Variants in CLMN observed in about 807,000 individuals in gnomAD.
CLMN encodes the protein calmin, also known as calmin (calponin-like, transmembrane).
In CLMN, 57 loss-of-function variants were observed where a neutral mutation model predicts 92.7. The ratio of observed to expected loss-of-function variants is 0.61; its 90% CI spans 0.50 to 0.77. The LOEUF (loss-of-function observed/expected upper bound fraction) is 0.77, where lower values mean the gene tolerates loss of function less well. Among genes scored for constraint, CLMN ranks in the 30% least tolerant of loss-of-function variants. The probability of loss-of-function intolerance (pLI) is 0.00; values close to 1 mark genes in which losing one functional copy is unlikely to be tolerated. For synonymous variants in CLMN, 466 were observed against 470.6 expected, an observed-to-expected ratio of 0.99 and a Z score of 0.13; for missense variants, 1,158 against 1,237.5, an observed-to-expected ratio of 0.94 and a Z score of 0.96.
intron 1 of CLMN, among the ~76,000 whole-genome samples, chr14:95,275,628 T>C (rs1212143492): frequency 3.3e-5 from 5 of 152,348 alleles, no homozygotes; most frequent in African/African-American, 1.2e-4. Context: ...CACAGTCCTC[T>C]GGACCACACT....
intron 1 of CLMN, among the ~76,000 whole-genome samples, chr14:95,263,044 C>G (rs1899321685): frequency 6.6e-6 from 1 of 152,210 alleles, no homozygotes; most frequent in Non-Finnish European, 1.5e-5. Context: ...AAACCAACTG[C>G]CCAGCGCATA....
intron 1 of CLMN, among the ~76,000 whole-genome samples, chr14:95,290,867 GA>G (rs1900536719): frequency 6.6e-6 from 1 of 152,162 alleles, no homozygotes; most frequent in Non-Finnish European, 1.5e-5. Flanking sequence ...GGTGCTCAAT[GA>G]ATGCTGGTTC....
At chr14:95,252,536 G>A (rs138085108) in intron 1 of CLMN, among the ~76,000 whole-genome samples, 46 of 152,310 alleles carry the variant, frequency 3.0e-4, no homozygotes, top group African/African-American at 1.1e-3. Flanking sequence ...GGCTTCTGGT[G>A]GGTAATTTAT....
chr14:95,258,898 T>C (rs1899134428), intron 1 of CLMN, among the ~76,000 whole-genome samples: 1 of 148,570 alleles, frequency 6.7e-6, no homozygotes, highest in Non-Finnish European at 1.5e-5. Context: ...GTGTGGAGGG[T>C]GTGTGTGTAT....
intron 1 of CLMN, among the ~76,000 whole-genome samples, chr14:95,260,804 A>G (rs117793900): frequency 0.016 from 2,401 of 152,312 alleles, 25 homozygotes; most frequent in Non-Finnish European, 0.024. Context: ...CATTGTCCAA[A>G]TGAAATACAG....
chr14:95,281,560 A>T (rs1051794359), intron 1 of CLMN, among the ~76,000 whole-genome samples: 3 of 152,200 alleles, frequency 2.0e-5, no homozygotes. Context: ...ACCAGTGATC[A>T]CTGGCTACTG....
At chr14:95,312,828 G>A (rs1901601022) in intron 1 of CLMN, among the ~76,000 whole-genome samples, 1 of 152,160 alleles carries the variant, frequency 6.6e-6, no homozygotes, top group Non-Finnish European at 1.5e-5. Context: ...CTTTCATCCT[G>A]GGCTGCTGTT....
chr14:95,244,818 G>A (rs977670286), intron 1 of CLMN, among the ~76,000 whole-genome samples: 2 of 151,674 alleles, frequency 1.3e-5, no homozygotes, highest in Admixed American at 1.3e-4. Context: ...CTTCCAATGG[G>A]GATCACTAAC....
chr14:95,191,530 G>A lies in CLMN; in HGVS notation c.*34C>T. 39 of 1,575,112 alleles carry A rather than the reference G, an allele frequency of 2.5e-5. No individual in the cohort carries two copies. The highest frequency in any genetic ancestry group is 3.4e-5 in the Non-Finnish European group (39 of 1,160,156). On this transcript the variant is annotated 3_prime_UTR_variant, in exon 13 of 13. Transcript: ENST00000298912. The surrounding 1 kb of genome is among the most constrained non-coding windows in gnomAD (Gnocchi z 5.3). ...AATGAAGTAACCCCGCCCCTGGTCA[G>A]GGTCCTGTCTTTTTTATTATCCAGA...
chr14:95,205,113 A>G (rs886808704), intron 8 of CLMN, among the ~76,000 whole-genome samples: 5 of 152,224 alleles, frequency 3.3e-5, no homozygotes, highest in Non-Finnish European at 7.3e-5. Context: ...CAAATCATTT[A>G]AAACCAGAGA....
At position 95,193,374 on chromosome 14, in the gene CLMN, T is replaced by G. The variant is rs1177569930; in HGVS notation, c.2840+475A>C. The G allele has an allele frequency of 2.0e-6, 3 of 1,534,944 alleles. No homozygotes were observed. The South Asian group carries it at 3.6e-5, about 18-fold the overall frequency. On this transcript the variant is annotated intron_variant, in intron 12 of 12. Transcript: ENST00000298912. ...CCTCTTCATGTCTGCTCTGATGCCA[T>G]AAAACTGTAAAATCAGCTCAGTAAG...
chr14:95,215,601 A>G, intron 5 of CLMN, 40 bp downstream of exon 5: 1 of 1,563,138 alleles, frequency 6.4e-7, no homozygotes. Flanking sequence ...CAGCAGACAC[A>G]AGATCATGAT....
chr14:95,181,961 C>A lies in CLMN; in HGVS notation c.*9603G>T, dbSNP rs1008595045. On this transcript the variant is annotated 3_prime_UTR_variant, in exon 13 of 13. Transcript: ENST00000298912. ...ATCGTCAGTTCAAGAAATTTATATTCAAAAATTTTCTTAAGAATACACATG... is the reference window on the plus strand; with the variant it reads ...ATCGTCAGTTCAAGAAATTTATATTAAAAAATTTTCTTAAGAATACACATG... 4.6e-5 allele frequency: 7 copies of A among 152,120 alleles called. No homozygotes were observed. The highest frequency in any genetic ancestry group is 1.0e-4 in the Non-Finnish European group (7 of 68,006). The allele number at this position is 152,120 out of a possible 1,614,324, so 9.4% of individuals were successfully genotyped here.
At chr14:95,226,656 A>G (rs1355504802) in intron 2 of CLMN, among the ~76,000 whole-genome samples, 4 of 151,902 alleles carry the variant, frequency 2.6e-5, no homozygotes, top group Admixed American at 6.6e-5. Flanking sequence ...GGTTCACTGC[A>G]GTCTCAAACC....
In CLMN at chr14:95,203,151, T is replaced by C; in HGVS notation, c.2198A>G (p.Glu733Gly). The C allele has an allele frequency of 6.2e-7, 1 of 1,612,718 alleles. No homozygotes were observed. The highest frequency in any genetic ancestry group is 8.5e-7 in the Non-Finnish European group (1 of 1,180,008). The change falls in exon 9 of 13, where the codon GAG (glutamate) becomes GGG (glycine). Residue 733 changes from glutamate (E) to glycine (G), a missense_variant. Coordinates refer to ENST00000298912, the MANE Select transcript of CLMN (RefSeq NM_024734.4). ...CTCCAAAACTGCAGCCAGGGGAACC[T>C]CATAGTGTGGGAAATAGAAGAGGTC... ...PHDLFYFPHYEVPLAAVLEAY... is the reference protein window; with the variant it reads ...PHDLFYFPHYGVPLAAVLEAY...
intron 1 of CLMN, among the ~76,000 whole-genome samples, chr14:95,253,161 C>T (rs952819118): frequency 3.3e-5 from 5 of 152,194 alleles, no homozygotes; most frequent in Non-Finnish European, 7.3e-5. Flanking sequence ...CCCACTGTGG[C>T]CCCTGACCAC....
Position 95,187,876 on chromosome 14 carries a change from G to A in CLMN, c.*3688C>T, listed in dbSNP as rs937192469. The A allele has an allele frequency of 3.9e-5, 6 of 152,218 alleles. No individual in the cohort carries two copies. The highest frequency in any genetic ancestry group is 8.8e-5 in the Non-Finnish European group (6 of 68,052). The allele number at this position is 152,218 out of a possible 1,614,324, so 9.4% of individuals were successfully genotyped here. A position where few individuals can be genotyped will look rare whatever the true frequency, so the allele number is the denominator to read the frequency against. On this transcript the variant is annotated 3_prime_UTR_variant, in exon 13 of 13. Coordinates refer to ENST00000298912, the MANE Select transcript of CLMN (RefSeq NM_024734.4). ...TCAGAGCTGGGTATGTCTGGAGGAA[G>A]GGGCAAAAGGTGTCCTTTGCCAGTC...
In CLMN at chr14:95,210,850, C is replaced by A; in HGVS notation, c.638G>T (p.Gly213Val). 1.3e-6 allele frequency: 2 copies of A among 1,555,782 alleles called. No homozygotes were observed. Among genetic ancestry groups the A allele is most frequent in the Non-Finnish European group, 1.7e-6 (2 of 1,158,174 alleles). ...KYGVAVQDFA[G>V]SWRSGLAFLA... ...GAAAGCCAGCCCACTCCTCCAACTG[C>A]CCGCAAAGTCCTGCACCGCCACGCC... Residue 213 changes from glycine to valine, a missense_variant, in exon 7 of 13, where the codon GGC (glycine) becomes GTC (valine). By Grantham distance (109) the Gly-to-Val change is moderately radical (BLOSUM62 -3). Transcript: ENST00000298912.
chr14:95,251,213 A>T (rs1466885120), intron 1 of CLMN, among the ~76,000 whole-genome samples: 6 of 152,210 alleles, frequency 3.9e-5, no homozygotes, highest in Admixed American at 6.5e-5. Flanking sequence ...CAATGATGAT[A>T]AAACCACCAC....
Sources: gnomAD v4.1 joint callset for allele counts (sites outside exome capture counted in the v4.1 genomes callset) on GRCh38, gnomAD v4.1.1 for gene constraint, Gnocchi (gnomAD v3.1) non-coding constraint, MANE v1.5 for transcripts, NCBI Gene and HGNC (gene_info 2026-07-23, HGNC 2026-07-21) for gene names.